KHDRBS2: variants seen among roughly 807,000 people sequenced by gnomAD.
KHDRBS2 encodes KH domain-containing, RNA-binding, signal transduction-associated protein 2.
Under a neutral mutation model 44.3 loss-of-function variants are expected in KHDRBS2, and 26 were observed. The ratio of observed to expected loss-of-function variants is 0.59; its 90% CI spans 0.43 to 0.81. KHDRBS2 has a LOEUF of 0.81. KHDRBS2 is among the 40% of genes least tolerant of loss of function. The pLI, the probability that KHDRBS2 is intolerant of heterozygous loss-of-function variation, is 0.00. For missense variants in KHDRBS2, 476 were observed against 433.1 expected, an observed-to-expected ratio of 1.10 and a Z score of -0.88; for synonymous variants, 194 against 151.1, an observed-to-expected ratio of 1.28 and a Z score of -2.08.
intron 2 of KHDRBS2, among the ~76,000 whole-genome samples, chr6:62,106,349 T>G (rs1369673754): frequency 6.6e-6 from 1 of 152,188 alleles, no homozygotes; most frequent in Non-Finnish European, 1.5e-5. Flanking sequence ...ACTTTCTGTC[T>G]CGCTGATCGG....
chr6:61,674,869 G>A, the KHDRBS2 span, among the ~76,000 whole-genome samples: 1 of 151,586 alleles, frequency 6.6e-6, no homozygotes, highest in Non-Finnish European at 1.5e-5. Context: ...CGAAAATATA[G>A]AGAGAATGAT....
At chr6:61,610,542 T>C in the KHDRBS2 span, among the ~76,000 whole-genome samples, 1 of 152,176 alleles carries the variant, frequency 6.6e-6, no homozygotes, top group Non-Finnish European at 1.5e-5. Flanking sequence ...ACTGGTCCTA[T>C]AGGGTCTGCT....
intron 2 of KHDRBS2, among the ~76,000 whole-genome samples, chr6:62,148,938 GA>G (rs1814508295): frequency 6.6e-6 from 1 of 152,014 alleles, no homozygotes; most frequent in African/African-American, 2.4e-5. Flanking sequence ...GCTAATCAAA[GA>G]CTCAAAAGAA....
chr6:61,657,613 C>T, the KHDRBS2 span, among the ~76,000 whole-genome samples: 1 of 151,928 alleles, frequency 6.6e-6, no homozygotes, highest in Non-Finnish European at 1.5e-5. Flanking sequence ...TGTTGGTTAG[C>T]AGATAGAGCT....
chr6:61,899,738 C>T (rs957287903), intron 5 of KHDRBS2, among the ~76,000 whole-genome samples: 2 of 139,254 alleles, frequency 1.4e-5, no homozygotes, highest in African/African-American at 5.1e-5. Flanking sequence ...TTAATGCCCC[C>T]CCCCCGCATT....
chr6:62,061,630 G>T (rs4557500), intron 2 of KHDRBS2, among the ~76,000 whole-genome samples: 1,856 of 150,910 alleles, frequency 0.012, 20 homozygotes, highest in Non-Finnish European at 0.017. Flanking sequence ...TTCAACTTTG[G>T]TGAATCTGAC....
At position 61,782,715 on chromosome 6, in the gene KHDRBS2, A is replaced by G. The variant is rs1339508163; in HGVS notation, c.811-49951T>C. ...TATATATATATATATATATATATAT[A>G]TATATATATATATATATATATATAC... is the stretch of plus-strand genomic sequence containing the variant. On this transcript the variant is annotated intron_variant, in intron 6 of 8. Transcript: ENST00000281156. Among the ~76,000 whole-genome samples the G allele has an allele frequency of 4.2e-3, 541 of 130,104 alleles. 18 individuals are homozygous for G. Among genetic ancestry groups the G allele is most frequent in the African/African-American group, 0.014 (399 of 29,050 alleles). 85.4% of individuals were successfully genotyped at this position (130,104 alleles called of 152,430 possible).
At chr6:62,146,424 A>T (rs990743140) in intron 2 of KHDRBS2, among the ~76,000 whole-genome samples, 6 of 151,600 alleles carry the variant, frequency 4.0e-5, no homozygotes, top group Non-Finnish European at 5.9e-5. Flanking sequence ...TCCTTACCTC[A>T]TTAAATCTTA....
At chr6:61,841,816 T>A (rs1396314856) in intron 6 of KHDRBS2, among the ~76,000 whole-genome samples, 2 of 152,150 alleles carry the variant, frequency 1.3e-5, no homozygotes, top group Non-Finnish European at 2.9e-5. Context: ...CTTAAAGAGT[T>A]TTTTTTACAA....
intron 1 of KHDRBS2, among the ~76,000 whole-genome samples, chr6:62,245,330 C>T (rs1835365274): frequency 1.3e-5 from 2 of 152,012 alleles, no homozygotes; most frequent in Non-Finnish European, 2.9e-5. Context: ...TGTTTTAACC[C>T]TACGTAGTCC....
intron 7 of KHDRBS2, among the ~76,000 whole-genome samples, chr6:61,698,135 G>A (rs1244275022): frequency 2.0e-5 from 3 of 152,134 alleles, no homozygotes; most frequent in Admixed American, 2.0e-4. Context: ...TCAAGACTTA[G>A]TGTTCATTTT....
intron 6 of KHDRBS2, among the ~76,000 whole-genome samples, chr6:61,880,814 A>G (rs1800103392): frequency 1.3e-5 from 2 of 151,968 alleles, no homozygotes; most frequent in Non-Finnish European, 1.5e-5. Context: ...GAAAGAAGTG[A>G]CAGAATATAT....
At chr6:62,071,817 A>C (rs754708313) in intron 2 of KHDRBS2, among the ~76,000 whole-genome samples, 17 of 151,978 alleles carry the variant, frequency 1.1e-4, no homozygotes, top group Non-Finnish European at 1.5e-4. Context: ...TTGATTTGGC[A>C]ATGCGGGCTC....
At chr6:62,194,658 C>T (rs1305553489) in intron 1 of KHDRBS2, among the ~76,000 whole-genome samples, 2 of 151,460 alleles carry the variant, frequency 1.3e-5, no homozygotes, top group African/African-American at 4.9e-5. Flanking sequence ...CCCGCCACCA[C>T]ACCACACCCA....
chr6:62,072,116 G>A (rs1434585056), intron 2 of KHDRBS2, among the ~76,000 whole-genome samples: 3 of 152,156 alleles, frequency 2.0e-5, no homozygotes, highest in Non-Finnish European at 4.4e-5. Context: ...GTGAATGGGA[G>A]TTCACTCATG....
chr6:61,608,738 T>G, the KHDRBS2 span, among the ~76,000 whole-genome samples: 7 of 152,134 alleles, frequency 4.6e-5, no homozygotes, highest in African/African-American at 1.4e-4. Flanking sequence ...GGTTTCCAGT[T>G]TCATCCATGT....
In KHDRBS2 at chr6:61,751,099, T is replaced by C. The variant is rs529919838; in HGVS notation, c.811-18335A>G. On this transcript the variant is annotated intron_variant, in intron 6 of 8. Coordinates refer to ENST00000281156, the MANE Select transcript of KHDRBS2 (RefSeq NM_152688.4). ...CCATTTATTGTTAAGAAGCTGCTAC[T>C]TATACCCATTTTATAACTGAGGATA... Among the ~76,000 whole-genome samples, 4 of 152,308 alleles carry C rather than the reference T, an allele frequency of 2.6e-5. No homozygotes were observed. In the South Asian group the frequency reaches 8.3e-4, roughly 32 times the overall value.
the KHDRBS2 span, among the ~76,000 whole-genome samples, chr6:61,664,184 A>G: frequency 2.0e-5 from 3 of 151,828 alleles, no homozygotes; most frequent in Non-Finnish European, 4.4e-5. Context: ...AAGTACAAGC[A>G]GATTAGATGT....
At chr6:62,050,832 A>G (rs1788856266) in intron 2 of KHDRBS2, among the ~76,000 whole-genome samples, 1 of 152,046 alleles carries the variant, frequency 6.6e-6, no homozygotes, top group Non-Finnish European at 1.5e-5. Context: ...TCATAAAACA[A>G]CTTGCACGTG....
Sources: allele counts gnomAD v4.1 joint callset (sites outside exome capture counted in the v4.1 genomes callset), GRCh38; gene constraint gnomAD v4.1.1; transcripts MANE v1.5; gene names NCBI Gene and HGNC (gene_info 2026-07-23, HGNC 2026-07-21).